MDGA2: variants seen among roughly 807,000 people sequenced by gnomAD.
The protein encoded by MDGA2 is MAM domain containing glycosylphosphatidylinositol anchor 2, also known as MAM domain-containing glycosylphosphatidylinositol anchor protein 2.
A neutral mutation model predicts 117.8 loss-of-function variants in MDGA2; 40 were observed. The observed-to-expected ratio is 0.34, with a 90% confidence interval of 0.26 to 0.44. The LOEUF is 0.44. MDGA2 is among the 20% of genes least tolerant of loss of function. MDGA2 has a pLI of 1.00. For missense variants in MDGA2, 1,123 were observed against 1,250.6 expected (o/e 0.90, Z 1.54); for synonymous variants, 452 against 439.0 (o/e 1.03, Z -0.37).
chr14:47,307,028 T>C (rs1987235), intron 1 of MDGA2, among the ~76,000 whole-genome samples: 22,787 of 152,202 alleles, frequency 0.15, 1,844 homozygotes, highest in Middle Eastern at 0.22. Flanking sequence ...AGCTTTCTAT[T>C]GATTTAAGTG....
chr14:47,227,097 C>T (rs752599407), intron 2 of MDGA2, among the ~76,000 whole-genome samples: 6 of 152,082 alleles, frequency 3.9e-5, no homozygotes, highest in Non-Finnish European at 7.4e-5. Flanking sequence ...TAGAAATCAG[C>T]TGTGTATATG....
At chr14:46,958,061 T>C (rs977389093) in intron 8 of MDGA2, among the ~76,000 whole-genome samples, 3 of 152,212 alleles carry the variant, frequency 2.0e-5, no homozygotes, top group Non-Finnish European at 4.4e-5. Flanking sequence ...CATGGTCTGA[T>C]ACTGAAGGCA....
At chr14:47,505,779 A>G (rs1451666196) in intron 1 of MDGA2, among the ~76,000 whole-genome samples, 1 of 152,228 alleles carries the variant, frequency 6.6e-6, no homozygotes, top group Non-Finnish European at 1.5e-5. Flanking sequence ...GGAATAATTC[A>G]TAATCTATGG....
chr14:47,390,130 C>A (rs1227924665), intron 1 of MDGA2, among the ~76,000 whole-genome samples: 1 of 152,104 alleles, frequency 6.6e-6, no homozygotes, highest in Admixed American at 6.6e-5. Flanking sequence ...TCCCTAAAGG[C>A]AAATACAGAT....
chr14:47,324,532 T>C (rs1274856477), intron 1 of MDGA2, among the ~76,000 whole-genome samples: 1 of 152,174 alleles, frequency 6.6e-6, no homozygotes, highest in African/African-American at 2.4e-5. Flanking sequence ...CGCAGAACCA[T>C]CGAGCCAACT....
At chr14:46,923,381 G>A (rs1351421603) in intron 9 of MDGA2, among the ~76,000 whole-genome samples, 1 of 152,002 alleles carries the variant, frequency 6.6e-6, no homozygotes, top group African/African-American at 2.4e-5. Context: ...AAATGAAGGT[G>A]CAGAATGGAG....
At chr14:47,394,286 C>T (rs1013868604) in intron 1 of MDGA2, among the ~76,000 whole-genome samples, 6 of 152,022 alleles carry the variant, frequency 3.9e-5, no homozygotes, top group African/African-American at 1.4e-4. Context: ...TTTGCATAAA[C>T]AACTGAAGGA....
intron 1 of MDGA2, among the ~76,000 whole-genome samples, chr14:47,505,370 C>CA (rs936874852): frequency 6.6e-6 from 1 of 151,852 alleles, no homozygotes; most frequent in Non-Finnish European, 1.5e-5. Context: ...GTTCTCACCG[C>CA]AAAAAAATAA....
At chr14:47,168,428 G>T (rs1207021169) in intron 3 of MDGA2, among the ~76,000 whole-genome samples, 1 of 151,528 alleles carries the variant, frequency 6.6e-6, no homozygotes, top group Non-Finnish European at 1.5e-5. Flanking sequence ...GTAAAATGCT[G>T]CTAAATTAAT....
intron 9 of MDGA2, among the ~76,000 whole-genome samples, chr14:46,933,849 T>C (rs1466299024): frequency 1.1e-5 from 1 of 88,790 alleles, no homozygotes; most frequent in Admixed American, 1.3e-4. Flanking sequence ...TATATATATA[T>C]ATACTTTTCT....
chr14:47,273,805 T>C (rs541528652), intron 2 of MDGA2, among the ~76,000 whole-genome samples: 3 of 152,286 alleles, frequency 2.0e-5, no homozygotes, highest in East Asian at 1.9e-4. Flanking sequence ...TCCCTATGCA[T>C]GAAGACCTAT....
intron 1 of MDGA2, among the ~76,000 whole-genome samples, chr14:47,306,846 A>G (rs1376803130): frequency 2.5e-5 from 2 of 79,934 alleles, no homozygotes; most frequent in African/African-American, 3.6e-5. Context: ...AAAGAGGGAG[A>G]GAGAGAGAGA....
intron 1 of MDGA2, among the ~76,000 whole-genome samples, chr14:47,401,099 C>T (rs1338717705): frequency 6.6e-6 from 1 of 151,588 alleles, no homozygotes; most frequent in African/African-American, 2.4e-5. Context: ...GTTCTGGGTG[C>T]TTCATTTGTC....
At chr14:46,876,258 T>C (rs1351880786) in intron 12 of MDGA2, among the ~76,000 whole-genome samples, 1 of 151,462 alleles carries the variant, frequency 6.6e-6, no homozygotes, top group African/African-American at 2.4e-5. Flanking sequence ...AGTTGGCAGG[T>C]AAAATGAAAA....
chr14:47,563,430 G>T (rs1895852050), intron 1 of MDGA2, among the ~76,000 whole-genome samples: 1 of 152,034 alleles, frequency 6.6e-6, no homozygotes, highest in African/African-American at 2.4e-5. Flanking sequence ...TGTGTTAGGT[G>T]CATATATATT....
At chr14:47,203,288 G>A (rs925967924) in intron 3 of MDGA2, among the ~76,000 whole-genome samples, 8 of 151,990 alleles carry the variant, frequency 5.3e-5, no homozygotes, top group Admixed American at 3.3e-4. Context: ...AGGGCCTATC[G>A]GGGCTTAGAG....
intron 16 of MDGA2, among the ~76,000 whole-genome samples, chr14:46,845,534 C>T (rs984794055): frequency 4.6e-5 from 7 of 152,092 alleles, no homozygotes; most frequent in South Asian, 2.1e-4. Flanking sequence ...ACTTGCCTTA[C>T]GTAGATCTAA....
At chr14:47,080,046 T>C (rs1890652309) in intron 6 of MDGA2, among the ~76,000 whole-genome samples, 1 of 152,156 alleles carries the variant, frequency 6.6e-6, no homozygotes, top group South Asian at 2.1e-4. Context: ...TCCTAATTTC[T>C]ATTTGCAGTC....
At chr14:46,893,148 T>C (rs1050700667) in intron 10 of MDGA2, among the ~76,000 whole-genome samples, 3 of 151,880 alleles carry the variant, frequency 2.0e-5, no homozygotes, top group Non-Finnish European at 4.4e-5. Context: ...AATTACACAA[T>C]TGAATATTAC....
Sources: gnomAD v4.1 joint callset for allele counts (sites outside exome capture counted in the v4.1 genomes callset) on GRCh38, gnomAD v4.1.1 for gene constraint, MANE v1.5 for transcripts, NCBI Gene and HGNC (gene_info 2026-07-23, HGNC 2026-07-21) for gene names.